Variants in MDH2 observed in about 807,000 individuals in gnomAD.
MDH2 encodes the protein malate dehydrogenase, mitochondrial.
MDH2 carries 25 observed loss-of-function variants against 33.6 expected under a neutral mutation model. The ratio of observed to expected loss-of-function variants is 0.74; its 90% CI spans 0.54 to 1.04. The LOEUF is 1.04. Among genes scored for constraint, MDH2 ranks in the 50% least tolerant of loss-of-function variants. The pLI is 0.00. For synonymous variants in MDH2, 193 were observed against 188.7 expected, an observed-to-expected ratio of 1.02 and a Z score of -0.19; for missense variants, 432 against 445.0, an observed-to-expected ratio of 0.97 and a Z score of 0.26.
Position 76,060,514 on chromosome 7 carries a change from G to T in MDH2, c.555+16G>T, listed in dbSNP as rs781832387. ...AGAGCTGAAGGTAAGGGCGGCGTGG[G>T]TGTTGCTCAGGTGACCTTTCTGAAC... On this transcript the variant is annotated intron_variant, in intron 5 of 8. Transcript: ENST00000315758. The T allele has an allele frequency of 3.7e-6, 6 of 1,613,390 alleles. No individual in the cohort carries two copies. The highest frequency in any genetic ancestry group is 5.1e-6 in the Non-Finnish European group (6 of 1,179,582).
chr7:76,056,583 T>A (rs1797793660), intron 2 of MDH2, among the ~76,000 whole-genome samples: 1 of 152,224 alleles, frequency 6.6e-6, no homozygotes, highest in African/African-American at 2.4e-5. Context: ...CGAAGCAGAT[T>A]TTGGATATTG....
At position 76,066,779 on chromosome 7, in the gene MDH2, G is replaced by C. The variant is rs1198820075; in HGVS notation, c.*369G>C. 1 of 160,706 alleles carries C rather than the reference G, an allele frequency of 6.2e-6. No homozygotes were observed. The highest frequency in any genetic ancestry group is 1.4e-5 in the Non-Finnish European group (1 of 73,542). 10.0% of individuals were successfully genotyped at this position (160,706 alleles called of 1,614,324 possible). ...TTTATGGAATTGGACACAGTATTCA[G>C]TTTACCCGTACATGCTCCTCCCGCC... is the stretch of plus-strand genomic sequence containing the variant. On this transcript the variant is annotated 3_prime_UTR_variant, in exon 9 of 9. Transcript: ENST00000315758.
intron 2 of MDH2, among the ~76,000 whole-genome samples, chr7:76,055,448 T>G (rs898991883): frequency 9.9e-5 from 15 of 151,880 alleles, no homozygotes; most frequent in Non-Finnish European, 2.1e-4. Context: ...GGAAAATGAT[T>G]CACTGGACTT....
intron 2 of MDH2, 48 bp from the exon 3 acceptor site, chr7:76,057,362 C>G (rs1554586388): frequency 1.2e-6 from 2 of 1,609,320 alleles, no homozygotes; most frequent in East Asian, 4.5e-5. Flanking sequence ...TTCCAGGCCT[C>G]TCTGAATCAG....
chr7:76,048,452 C>A, intron 1 of MDH2: 1 of 1,140,448 alleles, frequency 8.8e-7, no homozygotes, highest in South Asian at 1.8e-5. Flanking sequence ...CAGGGCCGGT[C>A]CATTTGTCAG....
intron 8 of MDH2, chr7:76,065,264 T>C: frequency 3.8e-6 from 1 of 266,244 alleles, no homozygotes; most frequent in Non-Finnish European, 7.1e-6. Flanking sequence ...CTACCCCGCC[T>C]GAACACCTCC....
chr7:76,056,048 G>A (rs1223337703), intron 2 of MDH2, among the ~76,000 whole-genome samples: 1 of 152,050 alleles, frequency 6.6e-6, no homozygotes, highest in African/African-American at 2.4e-5. Flanking sequence ...GGCTGGTCTA[G>A]AACTCCTGAC....
intron 6 of MDH2, 106 bp from the exon 7 acceptor site, chr7:76,064,233 T>C (rs532018735): frequency 4.0e-5 from 29 of 719,398 alleles, no homozygotes; most frequent in Admixed American, 3.7e-4. Flanking sequence ...TCCCATGCCC[T>C]GGTGATGGGA....
chr7:76,055,005 G>A lies in MDH2; in HGVS notation c.235+7G>A, dbSNP rs1797727608. The A allele has an allele frequency of 6.2e-7, 1 of 1,607,478 alleles. No individual in the cohort carries two copies. The highest frequency in any genetic ancestry group is 1.3e-5 in the African/African-American group (1 of 74,700). On this transcript the variant is annotated splice_region_variant and intron_variant, in intron 2 of 8. Transcript: ENST00000315758. ...ACCAAAGCCGCTGTGAAAGGTACTG[G>A]GCGCGCTGACCCTGGAGACTTGCTT...
In MDH2 at chr7:76,048,537, G is replaced by A. The variant is rs182272939; in HGVS notation, c.66+311G>A. On this transcript the variant is annotated intron_variant, in intron 1 of 8. Transcript: ENST00000315758. Reference sequence around the variant, plus strand: ...ACGCCTTCAAGGTTGGGAAACCAGGGCTCTGCATCTGAAAGTAAACTTACG... The same window carrying A: ...ACGCCTTCAAGGTTGGGAAACCAGGACTCTGCATCTGAAAGTAAACTTACG... 1,396 of 1,318,210 alleles carry A rather than the reference G, an allele frequency of 1.1e-3. 3 individuals are homozygous for A. In the African/African-American group the frequency reaches 0.013, roughly 12 times the overall value. The allele number at this position is 1,318,210 out of a possible 1,614,324, so 81.7% of individuals were successfully genotyped here.
At chr7:76,050,593 G>T (rs544483160) in intron 1 of MDH2, among the ~76,000 whole-genome samples, 2 of 152,124 alleles carry the variant, frequency 1.3e-5, no homozygotes, top group African/African-American at 4.8e-5. Context: ...GAAATGGGGC[G>T]GCCAGTTGAG....
chr7:76,049,732 T>C (rs1554585064), intron 1 of MDH2, among the ~76,000 whole-genome samples: 1 of 152,134 alleles, frequency 6.6e-6, no homozygotes, highest in Non-Finnish European at 1.5e-5. Flanking sequence ...TACTAGATAT[T>C]TTACTTATTG....
Position 76,057,397 on chromosome 7 carries a change from G to A in MDH2, c.236-13G>A, listed in dbSNP as rs567422366. On this transcript the variant is annotated splice_polypyrimidine_tract_variant and intron_variant, in intron 2 of 8. Coordinates refer to ENST00000315758, the MANE Select transcript of MDH2 (RefSeq NM_005918.4). The stretch of plus-strand genomic sequence containing the variant: ...GAAACGGTGACATTTCTCTTGTGGG[G>A]TGTTTGTTCTAGGCTACCTCGGACC... 1 of 1,614,024 alleles carries A rather than the reference G, an allele frequency of 6.2e-7. No individual in the cohort carries two copies. Among genetic ancestry groups the A allele is most frequent in the East Asian group, 2.2e-5 (1 of 44,876 alleles).
chr7:76,060,613 G>GT (rs1797921124), intron 5 of MDH2, 115 bp downstream of exon 5: 2 of 1,437,562 alleles, frequency 1.4e-6, no homozygotes, highest in African/African-American at 1.4e-5. Flanking sequence ...TCACTTTGGG[G>GT]TTTTAAATGT....
intron 1 of MDH2, 171 bp downstream of exon 1, chr7:76,048,397 T>G (rs1187745551): frequency 7.7e-6 from 9 of 1,162,708 alleles, no homozygotes; most frequent in Non-Finnish European, 1.0e-5. Context: ...GGCCTGGAGG[T>G]GCGGGGGAGA....
chr7:76,063,283 G>A (rs527462732), intron 5 of MDH2, among the ~76,000 whole-genome samples: 1 of 152,328 alleles, frequency 6.6e-6, no homozygotes, highest in East Asian at 1.9e-4. Context: ...CGATGGCCTC[G>A]CCAGACGGCG....
chr7:76,055,729 ACT>A (rs1563547402), intron 2 of MDH2, among the ~76,000 whole-genome samples: 1 of 147,680 alleles, frequency 6.8e-6, no homozygotes, highest in African/African-American at 2.5e-5. Context: ...ATAGTGAGAC[ACT>A]GTTTCCAAAA....
chr7:76,055,035 T>G (rs1554586048), intron 2 of MDH2, 37 bp downstream of exon 2: 4 of 1,566,550 alleles, frequency 2.6e-6, no homozygotes, highest in East Asian at 2.3e-5. Flanking sequence ...TTGCTTCCTG[T>G]CCCCAGTAGG....
Position 76,060,494 on chromosome 7 carries a change from T to A in MDH2, c.551T>A (p.Leu184Gln). Residue 184 changes from leucine to glutamine, a missense_variant, in exon 5 of 9, where the codon CTG (leucine) becomes CAG (glutamine). Physicochemically the swap from Leu to Gln is moderately radical, Grantham distance 113. Transcript: ENST00000315758. ...IVRANTFVAE[L>Q]KGLDPARVNV... ...AGAGCCAACACCTTTGTTGCAGAGCTGAAGGTAAGGGCGGCGTGGGTGTTG... is the reference window on the plus strand; with the variant it reads ...AGAGCCAACACCTTTGTTGCAGAGCAGAAGGTAAGGGCGGCGTGGGTGTTG... 1.9e-6 allele frequency: 3 copies of A among 1,614,130 alleles called. No individual in the cohort carries two copies. Among genetic ancestry groups the A allele is most frequent in the Non-Finnish European group, 1.7e-6 (2 of 1,180,002 alleles).
Sources: allele counts gnomAD v4.1 joint callset (sites outside exome capture counted in the v4.1 genomes callset), GRCh38; gene constraint gnomAD v4.1.1; transcripts MANE v1.5; gene names NCBI Gene and HGNC (gene_info 2026-07-23, HGNC 2026-07-21).